Variants in EML6 observed in about 807,000 individuals in gnomAD.
EML6 encodes the protein echinoderm microtubule-associated protein-like 6.
In EML6, 154 loss-of-function variants were observed where a neutral mutation model predicts 240.1. That is an observed-to-expected ratio of 0.64 (90% CI 0.56 to 0.73). The LOEUF is 0.73. EML6 is among the 30% of genes least tolerant of loss of function. The probability of loss-of-function intolerance (pLI) is 0.00; values close to 1 mark genes in which losing one functional copy is unlikely to be tolerated. For synonymous variants in EML6, 1,148 were observed against 899.0 expected, an observed-to-expected ratio of 1.28 and a Z score of -4.95; for missense variants, 2,964 against 2,474.6, an observed-to-expected ratio of 1.20 and a Z score of -4.20.
At chr2:54,906,101 A>G (rs1045243046) in intron 24 of EML6, among the ~76,000 whole-genome samples, 2 of 152,198 alleles carry the variant, frequency 1.3e-5, no homozygotes, top group Admixed American at 6.5e-5. Flanking sequence ...AGGAATTACT[A>G]TACTGTTTTC....
At chr2:54,790,415 A>G (rs1669369227) in intron 2 of EML6, among the ~76,000 whole-genome samples, 1 of 152,178 alleles carries the variant, frequency 6.6e-6, no homozygotes, top group South Asian at 2.1e-4. Context: ...TGTGAGCTGT[A>G]CTCTGAATTG....
chr2:54,913,945 T>G (rs1046575609), intron 25 of EML6, among the ~76,000 whole-genome samples: 3 of 152,206 alleles, frequency 2.0e-5, no homozygotes, highest in Non-Finnish European at 4.4e-5. Flanking sequence ...TTTTGTTGAC[T>G]GTGTCGAAGA....
chr2:54,833,273 A>C (rs1668969963), intron 7 of EML6, among the ~76,000 whole-genome samples: 1 of 152,226 alleles, frequency 6.6e-6, no homozygotes, highest in Non-Finnish European at 1.5e-5. Flanking sequence ...CATCTATAAG[A>C]TTTACAAAAT....
intron 10 of EML6, among the ~76,000 whole-genome samples, chr2:54,853,164 T>C (rs1670182554): frequency 6.6e-6 from 1 of 152,182 alleles, no homozygotes; most frequent in Non-Finnish European, 1.5e-5. Context: ...AGGATGAACT[T>C]AGCCAAAGTT....
intron 2 of EML6, among the ~76,000 whole-genome samples, chr2:54,778,641 C>T (rs979191280): frequency 6.6e-6 from 1 of 152,060 alleles, no homozygotes; most frequent in South Asian, 2.1e-4. Context: ...GTAATCCCAG[C>T]ACTTTGGGAG....
At chr2:54,846,061 G>C (rs1341451714) in intron 8 of EML6, among the ~76,000 whole-genome samples, 1 of 152,184 alleles carries the variant, frequency 6.6e-6, no homozygotes, top group Admixed American at 6.5e-5. Flanking sequence ...GTGGGGATGG[G>C]AATGTTTGCT....
rs1240203539 is a variant in EML6, at chr2:54,823,111, C to CA, written c.525+2650dup. On this transcript the variant is annotated intron_variant, in intron 5 of 41. Coordinates refer to ENST00000356458, the MANE Select transcript of EML6 (RefSeq NM_001039753.4). ...TTTGTACTAGGTGAAAGAAGAAAAA[C>CA]AGACGCCACTTTCAATTTGCTTGAA... 2.0e-5 allele frequency among the ~76,000 whole-genome samples: 3 copies of CA among 152,172 alleles called. 1 individual carries two copies. Among genetic ancestry groups the CA allele is most frequent in the Admixed American group, 6.5e-5 (1 of 15,270 alleles).
chr2:54,899,909 A>T, intron 22 of EML6, 127 bp downstream of exon 22: 1 of 920,090 alleles, frequency 1.1e-6, no homozygotes, highest in Non-Finnish European at 1.6e-6. Context: ...GGGCAATGAG[A>T]ATTTTATATT....
At chr2:54,835,973 C>T (rs1669118901) in intron 7 of EML6, among the ~76,000 whole-genome samples, 1 of 152,168 alleles carries the variant, frequency 6.6e-6, no homozygotes, top group Non-Finnish European at 1.5e-5. Context: ...ACATCCTATT[C>T]TCCAGTCCCG....
At chr2:54,929,292 C>T (rs1674729020) in intron 28 of EML6, among the ~76,000 whole-genome samples, 1 of 152,132 alleles carries the variant, frequency 6.6e-6, no homozygotes, top group African/African-American at 2.4e-5. Context: ...GTTTTATTGC[C>T]TTGGATCCTC....
intron 12 of EML6, 107 bp from the exon 13 acceptor site, chr2:54,863,676 T>C: frequency 1.5e-6 from 1 of 675,712 alleles, no homozygotes; most frequent in Middle Eastern, 3.9e-4. Flanking sequence ...AACTATGGTA[T>C]AGTTTTTATT....
At chr2:54,875,201 G>A (rs2103946989) in intron 16 of EML6, among the ~76,000 whole-genome samples, 1 of 152,284 alleles carries the variant, frequency 6.6e-6, no homozygotes, top group Middle Eastern at 3.4e-3. Context: ...AGCCCCAAGT[G>A]AAGAGAGATC....
intron 28 of EML6, among the ~76,000 whole-genome samples, chr2:54,932,898 A>G (rs1674935248): frequency 6.6e-6 from 1 of 152,162 alleles, no homozygotes; most frequent in Non-Finnish European, 1.5e-5. Context: ...GATTTATAAC[A>G]TAGGGGCTTT....
chr2:54,814,048 T>A (rs1412095648), intron 3 of EML6, among the ~76,000 whole-genome samples: 1 of 152,254 alleles, frequency 6.6e-6, no homozygotes, highest in African/African-American at 2.4e-5. Flanking sequence ...ATGCATTTCA[T>A]CAACTGAAAA....
chr2:54,889,557 A>G (rs969118551), intron 17 of EML6, among the ~76,000 whole-genome samples: 1 of 151,518 alleles, frequency 6.6e-6, no homozygotes, highest in African/African-American at 2.4e-5. Flanking sequence ...TTGTTTATAA[A>G]TAGAGTCCTC....
At chr2:54,897,505 C>T (rs1018284701) in intron 21 of EML6, among the ~76,000 whole-genome samples, 1 of 152,212 alleles carries the variant, frequency 6.6e-6, no homozygotes, top group African/African-American at 2.4e-5. Flanking sequence ...ATGCTAAGAA[C>T]TGCAGAGCTG....
chr2:54,775,652 A>C (rs577905814), intron 2 of EML6, among the ~76,000 whole-genome samples: 12 of 152,272 alleles, frequency 7.9e-5, no homozygotes, highest in Non-Finnish European at 1.5e-4. Context: ...CTAAGAGAGC[A>C]GGGCCTTTGT....
chr2:54,821,181 T>C (rs1281128556), intron 5 of EML6, among the ~76,000 whole-genome samples: 3 of 152,186 alleles, frequency 2.0e-5, no homozygotes, highest in Non-Finnish European at 2.9e-5. Context: ...GCATGGATTC[T>C]GTACAAAAAT....
intron 7 of EML6, among the ~76,000 whole-genome samples, chr2:54,842,200 C>T (rs769037448): frequency 2.0e-5 from 3 of 152,184 alleles, no homozygotes; most frequent in South Asian, 2.1e-4. Context: ...AGTTTCACTG[C>T]CCTAAAAATC....
Sources: gnomAD v4.1 joint callset for allele counts (sites outside exome capture counted in the v4.1 genomes callset) on GRCh38, gnomAD v4.1.1 for gene constraint, MANE v1.5 for transcripts, NCBI Gene and HGNC (gene_info 2026-07-23, HGNC 2026-07-21) for gene names.